The following GABRG3 variants were observed in gnomAD, a reference collection of about 807,000 sequenced individuals.
The protein encoded by GABRG3 is gamma-aminobutyric acid type A receptor subunit gamma3.
A neutral mutation model predicts 48.8 loss-of-function variants in GABRG3; 25 were observed. That is an observed-to-expected ratio of 0.51 (90% CI 0.37 to 0.72). The LOEUF (loss-of-function observed/expected upper bound fraction) is 0.72, where lower values mean the gene tolerates loss of function less well. GABRG3 is among the 30% of genes least tolerant of loss of function. The pLI is 0.00. For missense variants in GABRG3, 394 were observed against 577.9 expected (o/e 0.68, Z 3.26); for synonymous variants, 227 against 217.6 (o/e 1.04, Z -0.38).
intron 3 of GABRG3, among the ~76,000 whole-genome samples, chr15:27,262,562 CAT>C (rs541262668): frequency 2.1e-3 from 319 of 152,314 alleles, no homozygotes; most frequent in Middle Eastern, 6.8e-3. Flanking sequence ...ATTTCCGTCA[CAT>C]GTTTGTCATT....
chr15:27,088,479 A>C (rs1337824165), intron 3 of GABRG3, among the ~76,000 whole-genome samples: 1 of 152,092 alleles, frequency 6.6e-6, no homozygotes, highest in African/African-American at 2.4e-5. Flanking sequence ...GCTGCGGGTG[A>C]ACACTGCCTG....
intron 5 of GABRG3, among the ~76,000 whole-genome samples, chr15:27,446,692 G>A (rs745969914): frequency 6.6e-6 from 1 of 151,924 alleles, no homozygotes; most frequent in Non-Finnish European, 1.5e-5. Flanking sequence ...TGGTATTGTT[G>A]TTTATATAAA....
At chr15:27,152,861 ATTT>A (rs1187163963) in intron 3 of GABRG3, among the ~76,000 whole-genome samples, 1 of 139,006 alleles carries the variant, frequency 7.2e-6, no homozygotes, top group Non-Finnish European at 1.6e-5. Context: ...TTTCGAGTTA[ATTT>A]TTTTTTTTTT....
intron 3 of GABRG3, among the ~76,000 whole-genome samples, chr15:27,061,458 T>G (rs572578916): frequency 1.6e-4 from 25 of 152,252 alleles, no homozygotes; most frequent in African/African-American, 4.8e-4. Flanking sequence ...TTTTTTTTTT[T>G]TTTGTTAAAA....
intron 3 of GABRG3, among the ~76,000 whole-genome samples, chr15:27,083,425 C>A (rs927316948): frequency 3.3e-5 from 5 of 151,836 alleles, no homozygotes; most frequent in African/African-American, 1.2e-4. Flanking sequence ...CTCCGCCACC[C>A]GGATTCAAGC....
intron 5 of GABRG3, among the ~76,000 whole-genome samples, chr15:27,406,449 G>A (rs1217541670): frequency 2.0e-5 from 3 of 152,320 alleles, no homozygotes; most frequent in Non-Finnish European, 2.9e-5. Flanking sequence ...ACCCTCACCA[G>A]TGATGAGCCA....
At position 27,480,722 on chromosome 15, in the gene GABRG3, G is replaced by C; in HGVS notation, c.647G>C (p.Trp216Ser). 6.2e-7 allele frequency: 1 copy of C among 1,613,542 alleles called. No homozygotes were observed. The highest frequency in any genetic ancestry group is 8.5e-7 in the Non-Finnish European group (1 of 1,179,718). ...GTGGAGGCAGCTGACCAGAAATCAT[G>C]GCGGCTTTATCAGTTTGACTTCATG... is the stretch of plus-strand genomic sequence containing the variant. Reference protein sequence around the residue: ...NSVEAADQKSWRLYQFDFMGL... With the variant: ...NSVEAADQKSSRLYQFDFMGL... The change falls in exon 6 of 10, where the codon TGG becomes TCG. Residue 216 changes from tryptophan to serine, a missense_variant. Physicochemically the swap from Trp to Ser is radical, Grantham distance 177 (BLOSUM62 -3). Transcript: ENST00000615808.
At chr15:27,294,667 C>T (rs933598313) in intron 3 of GABRG3, among the ~76,000 whole-genome samples, 4 of 152,128 alleles carry the variant, frequency 2.6e-5, no homozygotes, top group Admixed American at 6.6e-5. Context: ...GTAGCTGGGA[C>T]TTCCATAATC....
At chr15:27,313,260 G>GTATATA (rs1391208486) in intron 3 of GABRG3, among the ~76,000 whole-genome samples, 49 of 49,524 alleles carry the variant, frequency 9.9e-4, no homozygotes, top group Non-Finnish European at 1.3e-3. Flanking sequence ...GTGTGTGTGT[G>GTATATA]TGTATATATA....
intron 5 of GABRG3, among the ~76,000 whole-genome samples, chr15:27,341,682 G>A (rs1011373511): frequency 2.0e-5 from 3 of 152,118 alleles, no homozygotes; most frequent in South Asian, 2.1e-4. Flanking sequence ...GCAAGTCTGC[G>A]CTCTCGGGAT....
rs149887811 is a variant in GABRG3, at chr15:27,203,737, G to A, written c.271-123072G>A. Reference sequence around the variant, plus strand: ...ACTTTTTAATAACAGCCAATCTGACGGGTGTGAGGTGGTATCTCATTGTGG... The same window carrying A: ...ACTTTTTAATAACAGCCAATCTGACAGGTGTGAGGTGGTATCTCATTGTGG... On this transcript the variant is annotated intron_variant, in intron 3 of 9. Transcript: ENST00000615808. Among the ~76,000 whole-genome samples the A allele has an allele frequency of 2.2e-3, 341 of 152,020 alleles. 4 individuals are homozygous for A. The highest frequency in any genetic ancestry group is 7.4e-3 in the African/African-American group (306 of 41,526).
At chr15:27,156,298 C>CAAAAAAAAAAAA (rs34055206) in intron 3 of GABRG3, among the ~76,000 whole-genome samples, 6 of 78,120 alleles carry the variant, frequency 7.7e-5, no homozygotes, top group African/African-American at 1.5e-4. Flanking sequence ...CACTCTGTCT[C>CAAAAAAAAAAAA]AAAAAAAAAA....
In GABRG3 at chr15:27,398,006, G is replaced by A. The variant is rs575573660; in HGVS notation, c.574+69118G>A. 2.8e-3 allele frequency among the ~76,000 whole-genome samples: 418 copies of A among 151,934 alleles called. 1 individual carries two copies. Among genetic ancestry groups the A allele is most frequent in the Middle Eastern group, 0.02 (6 of 294 alleles). On this transcript the variant is annotated intron_variant, in intron 5 of 9. Coordinates refer to ENST00000615808, the MANE Select transcript of GABRG3 (RefSeq NM_033223.5). The stretch of plus-strand genomic sequence containing the variant: ...TTTTTAGTTGAGATGGGGTTTCACC[G>A]TGTTAGCCAGGATGGTCTCGATCCC...
chr15:27,421,563 G>C (rs1419525471), intron 5 of GABRG3, among the ~76,000 whole-genome samples: 2 of 151,554 alleles, frequency 1.3e-5, no homozygotes, highest in Non-Finnish European at 2.9e-5. Flanking sequence ...CATCAATACT[G>C]TTTTAAGGCA....
chr15:27,448,889 G>C (rs529280593), intron 5 of GABRG3, among the ~76,000 whole-genome samples: 4 of 152,180 alleles, frequency 2.6e-5, no homozygotes, highest in African/African-American at 9.6e-5. Flanking sequence ...GTATGGTCTA[G>C]GTCAGGGATT....
intron 3 of GABRG3, among the ~76,000 whole-genome samples, chr15:27,251,875 G>A (rs552691001): frequency 1.3e-5 from 2 of 152,128 alleles, no homozygotes; most frequent in African/African-American, 2.4e-5. Flanking sequence ...TGCCTCTGCC[G>A]CCTCTGATAG....
chr15:27,145,100 T>A (rs1460548371), intron 3 of GABRG3, among the ~76,000 whole-genome samples: 2 of 151,876 alleles, frequency 1.3e-5, no homozygotes, highest in Non-Finnish European at 2.9e-5. Flanking sequence ...CCAACCAACA[T>A]TGTGAGACAA....
chr15:27,256,797 A>G (rs1890635637), intron 3 of GABRG3, among the ~76,000 whole-genome samples: 1 of 152,158 alleles, frequency 6.6e-6, no homozygotes, highest in Non-Finnish European at 1.5e-5. Context: ...GGAGTGAGTT[A>G]TGTTAGTTCT....
chr15:27,517,048 C>T (rs1891035945), intron 6 of GABRG3, among the ~76,000 whole-genome samples: 1 of 151,500 alleles, frequency 6.6e-6, no homozygotes, highest in Non-Finnish European at 1.5e-5. Flanking sequence ...GACTTTGGTG[C>T]CACTGCCTCC....
Sources: allele counts gnomAD v4.1 joint callset (sites outside exome capture counted in the v4.1 genomes callset), GRCh38; gene constraint gnomAD v4.1.1; transcripts MANE v1.5; gene names NCBI Gene and HGNC (gene_info 2026-07-23, HGNC 2026-07-21).